Variants in ADCY2 observed in about 807,000 individuals in gnomAD.
ADCY2 encodes the protein adenylate cyclase 2, also known as adenylate cyclase type 2.
Under a neutral mutation model 125.2 loss-of-function variants are expected in ADCY2, and 31 were observed. That is an observed-to-expected ratio of 0.25 (90% CI 0.19 to 0.33). ADCY2 has a LOEUF of 0.33. ADCY2 is among the 10% of genes least tolerant of loss of function. The pLI, the probability that ADCY2 is intolerant of heterozygous loss-of-function variation, is 1.00. For synonymous variants in ADCY2, 512 were observed against 548.4 expected, an observed-to-expected ratio of 0.93 and a Z score of 0.93; for missense variants, 904 against 1,418.2, an observed-to-expected ratio of 0.64 and a Z score of 5.82.
chr5:7,587,812 G>T (rs1346210626), intron 3 of ADCY2, among the ~76,000 whole-genome samples: 2 of 152,190 alleles, frequency 1.3e-5, no homozygotes, highest in African/African-American at 2.4e-5. Flanking sequence ...GGTCGTAGAA[G>T]AGGATAGGGA....
Position 7,568,608 on chromosome 5 carries a change from A to G in ADCY2, c.570+47709A>G, listed in dbSNP as rs373900256. On this transcript the variant is annotated intron_variant, in intron 3 of 24. Coordinates refer to ENST00000338316, the MANE Select transcript of ADCY2 (RefSeq NM_020546.3). ...ATAGTGTTGGCTTCTAATAAAGGCA[A>G]TGGTTTCACACCAGATAGGCTGTTT... 2.0e-4 allele frequency among the ~76,000 whole-genome samples: 30 copies of G among 152,262 alleles called. 1 individual carries two copies. In the East Asian group the frequency reaches 5.0e-3, roughly 25 times the overall value.
chr5:7,404,047 A>G (rs985752365), intron 1 of ADCY2, among the ~76,000 whole-genome samples: 7 of 151,934 alleles, frequency 4.6e-5, no homozygotes, highest in Non-Finnish European at 8.8e-5. Flanking sequence ...AGTGTCTTTG[A>G]TAGTAGTAAG....
At chr5:7,399,048 G>A (rs759205935) in intron 1 of ADCY2, among the ~76,000 whole-genome samples, 13 of 152,204 alleles carry the variant, frequency 8.5e-5, no homozygotes, top group Non-Finnish European at 1.6e-4. Context: ...TACCTTGGGA[G>A]GTGGGAATGG....
rs189735622 is a variant in ADCY2 at position 7,475,320 on chromosome 5, G to C, written c.409-45418G>C. Among the ~76,000 whole-genome samples the C allele has an allele frequency of 7.9e-5, 12 of 152,302 alleles. No homozygotes were observed. In the East Asian group the frequency reaches 2.3e-3, roughly 29 times the overall value. ...CTGTATCCGTGGTCTGGAGAATGGA[G>C]AGGGCGGATGTGAAGTCAGGAGCAG... is the stretch of plus-strand genomic sequence containing the variant. On this transcript the variant is annotated intron_variant, in intron 2 of 24. Coordinates refer to ENST00000338316, the MANE Select transcript of ADCY2 (RefSeq NM_020546.3).
At chr5:7,583,947 T>G (rs1736528934) in intron 3 of ADCY2, among the ~76,000 whole-genome samples, 1 of 152,004 alleles carries the variant, frequency 6.6e-6, no homozygotes, top group South Asian at 2.1e-4. Context: ...CACGAAAACA[T>G]ATGCTAAATG....
In ADCY2 at chr5:7,592,579, T is replaced by C. The variant is rs112444770; in HGVS notation, c.571-33588T>C. 4.2e-3 allele frequency among the ~76,000 whole-genome samples: 644 copies of C among 151,982 alleles called. 3 individuals are homozygous for C. Among genetic ancestry groups the C allele is most frequent in the African/African-American group, 0.015 (610 of 41,476 alleles). ...GGTAAAATTTACAAAAAATAAAAAG[T>C]CTTGAGAATATATAAGAAAACTATA... On this transcript the variant is annotated intron_variant, in intron 3 of 24. Transcript: ENST00000338316.
At chr5:7,489,376 A>T (rs1221153759) in intron 2 of ADCY2, among the ~76,000 whole-genome samples, 1 of 152,012 alleles carries the variant, frequency 6.6e-6, no homozygotes. Context: ...TCACCTTGCC[A>T]CTCAGCCCTT....
chr5:7,684,481 C>T (rs1450678497), intron 4 of ADCY2, among the ~76,000 whole-genome samples: 1 of 152,182 alleles, frequency 6.6e-6, no homozygotes. Flanking sequence ...TTTAGAAATA[C>T]CAATTTACTG....
At chr5:7,492,319 G>T (rs1334963149) in intron 2 of ADCY2, among the ~76,000 whole-genome samples, 2 of 152,212 alleles carry the variant, frequency 1.3e-5, no homozygotes, top group Non-Finnish European at 2.9e-5. Flanking sequence ...CACACCACAG[G>T]ATGGAATGTT....
At chr5:7,623,310 A>G (rs1299496965) in intron 3 of ADCY2, among the ~76,000 whole-genome samples, 3 of 152,198 alleles carry the variant, frequency 2.0e-5, no homozygotes, top group African/African-American at 7.2e-5. Context: ...GCCACACCTA[A>G]TAAGGAAGGA....
chr5:7,497,974 G>T (rs1423957163), intron 2 of ADCY2, among the ~76,000 whole-genome samples: 1 of 152,040 alleles, frequency 6.6e-6, no homozygotes, highest in Non-Finnish European at 1.5e-5. Flanking sequence ...CATTGAAACT[G>T]GAAGCATGGG....
intron 11 of ADCY2, among the ~76,000 whole-genome samples, chr5:7,713,594 A>G (rs1196926007): frequency 1.3e-5 from 2 of 152,182 alleles, no homozygotes; most frequent in African/African-American, 4.8e-5. Flanking sequence ...ATAAAGGGTT[A>G]TCCACTCTGC....
chr5:7,469,160 C>G (rs768243248), intron 2 of ADCY2, among the ~76,000 whole-genome samples: 1 of 151,676 alleles, frequency 6.6e-6, no homozygotes, highest in African/African-American at 2.4e-5. Context: ...AAATTTATAA[C>G]CCAGGCAAAA....
chr5:7,494,169 T>A (rs962846804), intron 2 of ADCY2, among the ~76,000 whole-genome samples: 4 of 152,140 alleles, frequency 2.6e-5, no homozygotes, highest in African/African-American at 9.7e-5. Context: ...AGGTGCTTTT[T>A]TCCATTCGGT....
chr5:7,704,962 G>A (rs1269766037), intron 7 of ADCY2, among the ~76,000 whole-genome samples: 1 of 151,998 alleles, frequency 6.6e-6, no homozygotes, highest in Non-Finnish European at 1.5e-5. Context: ...ACATGGAGAC[G>A]GTTTTAATGT....
At chr5:7,484,349 A>T (rs960518693) in intron 2 of ADCY2, among the ~76,000 whole-genome samples, 2 of 152,208 alleles carry the variant, frequency 1.3e-5, no homozygotes, top group African/African-American at 2.4e-5. Context: ...CAAGGTTTTT[A>T]AAAAATGCAT....
chr5:7,640,367 T>C (rs1039857268), intron 4 of ADCY2, among the ~76,000 whole-genome samples: 1 of 152,182 alleles, frequency 6.6e-6, no homozygotes, highest in Non-Finnish European at 1.5e-5. Context: ...ATAACACTTT[T>C]ATATGAGTGG....
At chr5:7,586,461 G>A (rs145723440) in intron 3 of ADCY2, among the ~76,000 whole-genome samples, 10 of 152,216 alleles carry the variant, frequency 6.6e-5, no homozygotes, top group Non-Finnish European at 1.5e-4. Context: ...TCTCAGTGCA[G>A]GCCTATGTCG....
chr5:7,589,408 GAGGA>G (rs1380696635), intron 3 of ADCY2, among the ~76,000 whole-genome samples: 21 of 131,452 alleles, frequency 1.6e-4, no homozygotes, highest in African/African-American at 4.5e-4. Context: ...AAGAGAGAAA[GAGGA>G]AGGAAGGGAG....
Sources: allele counts gnomAD v4.1 joint callset (sites outside exome capture counted in the v4.1 genomes callset), GRCh38; gene constraint gnomAD v4.1.1; transcripts MANE v1.5; gene names NCBI Gene and HGNC (gene_info 2026-07-23, HGNC 2026-07-21).